The following TTC6 variants were observed in gnomAD, a reference collection of about 807,000 sequenced individuals.
TTC6 encodes the protein tetratricopeptide repeat domain 6.
A neutral mutation model predicts 210.4 loss-of-function variants in TTC6; 172 were observed. The observed-to-expected ratio is 0.82, with a 90% CI of 0.72 to 0.93. The LOEUF (loss-of-function observed/expected upper bound fraction) is 0.93, where lower values mean the gene tolerates loss of function less well. TTC6 is among the 40% of genes least tolerant of loss of function. TTC6 has a pLI of 0.00. For synonymous variants in TTC6, 804 were observed against 819.6 expected (o/e 0.98, Z 0.32); for missense variants, 2,414 against 2,318.1 (o/e 1.04, Z -0.85).
chr14:37,761,907 T>C (rs934925951), intron 14 of TTC6, among the ~76,000 whole-genome samples: 3 of 152,184 alleles, frequency 2.0e-5, no homozygotes, highest in African/African-American at 4.8e-5. Context: ...AACATATCCG[T>C]CACCTCAAAT....
At chr14:37,688,900 G>C (rs2095798591) in intron 3 of TTC6, among the ~76,000 whole-genome samples, 1 of 152,066 alleles carries the variant, frequency 6.6e-6, no homozygotes, top group African/African-American at 2.4e-5. Context: ...TCAATGCCAA[G>C]ACACAGACAG....
At chr14:37,661,785 G>A (rs2095737904) in intron 1 of TTC6, among the ~76,000 whole-genome samples, 1 of 152,050 alleles carries the variant, frequency 6.6e-6, no homozygotes, top group South Asian at 2.1e-4. Flanking sequence ...TCACGATATT[G>A]ATTCTTCTTA....
In TTC6 at chr14:37,642,846, A is replaced by G. The variant is rs76076116; in HGVS notation, c.939+19843A>G. On this transcript the variant is annotated intron_variant, in intron 1 of 30. Transcript: ENST00000553443. ...TCCTGAATAGCTACCCAACTGTAAC[A>G]TAATAGAAAGTATTTGTGTATCTAA... Among the ~76,000 whole-genome samples, 528 of 152,368 alleles carry G rather than the reference A, an allele frequency of 3.5e-3. 7 individuals carry two copies. Among genetic ancestry groups the G allele is most frequent in the African/African-American group, 0.012 (514 of 41,592 alleles).
At chr14:37,650,296 C>G (rs912639577) in intron 1 of TTC6, among the ~76,000 whole-genome samples, 1 of 152,204 alleles carries the variant, frequency 6.6e-6, no homozygotes, top group Non-Finnish European at 1.5e-5. Context: ...TGCCCCCAAA[C>G]CCTGCATTCA....
chr14:37,657,212 C>CAAAAAAAAA (rs61052302), intron 1 of TTC6, among the ~76,000 whole-genome samples: 18 of 35,642 alleles, frequency 5.1e-4, no homozygotes, highest in Non-Finnish European at 7.5e-4. Context: ...AACTCTGTCT[C>CAAAAAAAAA]AAAAAAAAAA....
At chr14:37,629,986 A>T (rs942879397) in intron 1 of TTC6, among the ~76,000 whole-genome samples, 3 of 152,056 alleles carry the variant, frequency 2.0e-5, no homozygotes, top group African/African-American at 7.2e-5. Context: ...AAGCTCTTTG[A>T]TGTGCTGCTG....
intron 2 of TTC6, among the ~76,000 whole-genome samples, chr14:37,682,316 C>T (rs2095785594): frequency 6.6e-6 from 1 of 151,842 alleles, no homozygotes; most frequent in Admixed American, 6.6e-5. Context: ...TGAATCTTTC[C>T]ATAACACCAT....
chr14:37,622,992 A>T (rs1014305199), exon 1 of TTC6: 1 of 1,469,828 alleles, frequency 6.8e-7, no homozygotes, highest in African/African-American at 1.4e-5. Flanking sequence ...GAACTACGAC[A>T]TTACAATGGA....
At chr14:37,641,614 CTTTGTGAGT>C (rs2095691919) in intron 1 of TTC6, among the ~76,000 whole-genome samples, 1 of 152,120 alleles carries the variant, frequency 6.6e-6, no homozygotes, top group Non-Finnish European at 1.5e-5. Flanking sequence ...TATTTATTAT[CTTTGTGAGT>C]TTTTATGAAC....
chr14:37,706,625 A>C (rs919743592), intron 5 of TTC6, among the ~76,000 whole-genome samples: 1 of 152,140 alleles, frequency 6.6e-6, no homozygotes, highest in South Asian at 2.1e-4. Context: ...AGAATGAGGT[A>C]GAATTTTGTA....
chr14:37,716,386 G>C (rs1218783177), intron 6 of TTC6, among the ~76,000 whole-genome samples: 1 of 152,008 alleles, frequency 6.6e-6, no homozygotes, highest in Non-Finnish European at 1.5e-5. Context: ...GCAATTAAAT[G>C]ACGGAGTGGT....
chr14:37,627,924 G>T (rs568169373), intron 1 of TTC6, among the ~76,000 whole-genome samples: 1 of 152,134 alleles, frequency 6.6e-6, no homozygotes, highest in East Asian at 1.9e-4. Flanking sequence ...GTGTAAAAGC[G>T]TTCCTATTTC....
At chr14:37,702,631 T>A (rs1441858745) in intron 5 of TTC6, among the ~76,000 whole-genome samples, 2 of 152,294 alleles carry the variant, frequency 1.3e-5, no homozygotes, top group East Asian at 3.9e-4. Context: ...ATGGAAACTT[T>A]TTTAGTATTA....
At chr14:37,717,578 A>T (rs1276605697) in intron 6 of TTC6, among the ~76,000 whole-genome samples, 1 of 152,138 alleles carries the variant, frequency 6.6e-6, no homozygotes, top group Non-Finnish European at 1.5e-5. Flanking sequence ...CCCTTCTCCC[A>T]AATATGTAAG....
intron 14 of TTC6, among the ~76,000 whole-genome samples, chr14:37,765,107 A>G (rs2095994870): frequency 1.3e-5 from 2 of 152,106 alleles, no homozygotes; most frequent in South Asian, 2.1e-4. Flanking sequence ...TTGTGCCTGT[A>G]TAAGTTTGTC....
chr14:37,808,182 A>G (rs749082371), intron 23 of TTC6, among the ~76,000 whole-genome samples: 3 of 152,174 alleles, frequency 2.0e-5, no homozygotes, highest in Non-Finnish European at 2.9e-5. Context: ...TAGCTATTTT[A>G]TATGAAATAT....
At chr14:37,823,612 T>G in intron 26 of TTC6, 135 bp from the exon 29 acceptor site, 1 of 764,034 alleles carries the variant, frequency 1.3e-6, no homozygotes, top group Non-Finnish European at 2.1e-6. Flanking sequence ...CCTCCTACAA[T>G]GGGTAATAGA....
At chr14:37,611,920 G>A (rs1328534148) in intron 2 of TTC6, among the ~76,000 whole-genome samples, 1 of 152,068 alleles carries the variant, frequency 6.6e-6, no homozygotes, top group African/African-American at 2.4e-5. Context: ...AAGGATTGTT[G>A]GCATTGAAAC....
rs143971023 is a variant in TTC6, at chr14:37,602,551, C to G, written c.-234-4112C>G. 5.9e-4 allele frequency among the ~76,000 whole-genome samples: 90 copies of G among 152,260 alleles called. No individual in the cohort carries two copies. The Middle Eastern group carries it at 0.017, about 29-fold the overall frequency. ...TCTGGGCTGCTATCACTCGAGAAGG[C>G]ACAAGGCTGTGCGATCCTCCGCCGC... On this transcript the variant is annotated intron_variant, in intron 1 of 2. Coordinates refer to the TTC6 transcript ENST00000556845.
Sources: gnomAD v4.1 joint callset for allele counts (sites outside exome capture counted in the v4.1 genomes callset) on GRCh38, gnomAD v4.1.1 for gene constraint, MANE v1.5 for transcripts, NCBI Gene and HGNC (gene_info 2026-07-23, HGNC 2026-07-21) for gene names.